The following COX19 variants were observed in gnomAD, a reference collection of about 807,000 sequenced individuals.
COX19 encodes the protein cytochrome c oxidase assembly protein COX19.
In COX19, 8 loss-of-function variants were observed where a neutral mutation model predicts 6.8. That is an observed-to-expected ratio of 1.18 (90% CI 0.69 to 2.12). The LOEUF (loss-of-function observed/expected upper bound fraction) is 2.12. Among genes scored for constraint, COX19 ranks in the 30% most tolerant of loss-of-function variants. The probability of loss-of-function intolerance (pLI) is 0.00; values close to 1 mark genes in which losing one functional copy is unlikely to be tolerated. For synonymous variants in COX19, 51 were observed against 38.0 expected (o/e 1.34, Z -1.26); for missense variants, 131 against 104.6 (o/e 1.25, Z -1.10).
At chr7:974,172 G>C (rs1445199293) in intron 1 of COX19, among the ~76,000 whole-genome samples, 1 of 149,430 alleles carries the variant, frequency 6.7e-6, no homozygotes, top group African/African-American at 2.5e-5. Context: ...ACTCCAGCCT[G>C]GGCGACACAG....
At chr7:972,264 C>T (rs1583203716) in intron 2 of COX19, among the ~76,000 whole-genome samples, 1 of 152,196 alleles carries the variant, frequency 6.6e-6, no homozygotes, top group African/African-American at 2.4e-5. Flanking sequence ...AGAGCCTAAG[C>T]GACAGCCCCA....
intron 2 of COX19, 111 bp from the exon 3 acceptor site, chr7:969,567 T>G: frequency 1.3e-6 from 1 of 748,724 alleles, no homozygotes; most frequent in South Asian, 1.5e-5. Context: ...CCTCCATCTA[T>G]GTCCTGGGAG....
intron 1 of COX19, 61 bp from the exon 2 acceptor site, chr7:973,353 C>T: frequency 6.6e-7 from 1 of 1,505,382 alleles, no homozygotes; most frequent in Non-Finnish European, 8.9e-7. Context: ...AACCACACAA[C>T]AGCCTTAAGA....
rs368098308 is a variant in COX19, at chr7:974,088, T to G, written c.83-796A>C. On this transcript the variant is annotated intron_variant, in intron 1 of 2. Transcript: ENST00000344111. ...GTTGCACACCTATAGTCCCAGCTAC[T>G]CTAGAGGCTGAGACAGGAGAATCGC... 1.7e-4 allele frequency among the ~76,000 whole-genome samples: 25 copies of G among 150,790 alleles called. 1 individual carries two copies. Among genetic ancestry groups the G allele is most frequent in the African/African-American group, 5.9e-4 (24 of 40,896 alleles).
chr7:975,491 A>AATTC lies in COX19; in HGVS notation c.15_18dup (p.Phe7GlufsTer24), dbSNP rs1416810421. ...CGCGGCTGGAAGCTCTTGGTCCCGA[A>AATTC]ATTCATGGCGGTCGACATGTTGGCG... is the stretch of plus-strand genomic sequence containing the variant. On this transcript the variant is annotated frameshift_variant, in exon 1 of 3. Transcript: ENST00000344111. LOFTEE classifies it high-confidence loss of function. 1 of 1,603,834 alleles carries AATTC rather than the reference A, an allele frequency of 6.2e-7. No homozygotes were observed. The highest frequency in any genetic ancestry group is 1.1e-5 in the South Asian group (1 of 89,696).
intron 2 of COX19, among the ~76,000 whole-genome samples, chr7:970,386 G>T (rs935757552): frequency 2.0e-5 from 3 of 151,000 alleles, no homozygotes; most frequent in Admixed American, 2.0e-4. Context: ...TACCCACCTT[G>T]GTCTCCAAAA....
Position 965,536 on chromosome 7 carries a change from C to T in COX19, c.*3842G>A, listed in dbSNP as rs1056809163. Among the ~76,000 whole-genome samples, 1 of 152,244 alleles carries T rather than the reference C, an allele frequency of 6.6e-6. No homozygotes were observed. The highest frequency in any genetic ancestry group is 1.5e-5 in the Non-Finnish European group (1 of 68,050). On this transcript the variant is annotated 3_prime_UTR_variant, in exon 3 of 3. Coordinates refer to ENST00000344111, the MANE Select transcript of COX19 (RefSeq NM_001031617.3). ...GCTGCTGGGTTAAGGGGGCCTCTGC[C>T]GTTCTGCTGTGACATGACTGTCTCC...
At chr7:969,537 G>T (rs924531272) in intron 2 of COX19, 81 bp from the exon 3 acceptor site, 2 of 892,298 alleles carry the variant, frequency 2.2e-6, no homozygotes, top group African/African-American at 1.7e-5. Context: ...GCTTCCCAGC[G>T]CACACCGGGG....
At position 975,477 on chromosome 7, in the gene COX19, G is replaced by C; in HGVS notation, c.33C>G (p.Ser11Arg). Residue 11 changes from serine to arginine, a missense_variant, in exon 1 of 3, where the codon AGC (serine) becomes AGG (arginine). By Grantham distance (110) the Ser-to-Arg change is moderately radical (BLOSUM62 -1). Coordinates refer to ENST00000344111, the MANE Select transcript of COX19 (RefSeq NM_001031617.3). MSTAMNFGTKSFQPRPPDKGS... is the reference protein window; with the variant it reads MSTAMNFGTKRFQPRPPDKGS... Reference sequence around the variant, plus strand: ...CCTTGTCCGGGGGCCGCGGCTGGAAGCTCTTGGTCCCGAAATTCATGGCGG... The same window carrying C: ...CCTTGTCCGGGGGCCGCGGCTGGAACCTCTTGGTCCCGAAATTCATGGCGG... 1.2e-6 allele frequency: 2 copies of C among 1,603,204 alleles called. No individual in the cohort carries two copies. Among genetic ancestry groups the C allele is most frequent in the Non-Finnish European group, 1.7e-6 (2 of 1,176,260 alleles).
chr7:968,155 T>C lies in COX19; in HGVS notation c.*1223A>G, dbSNP rs1477174920. ...CAGGGTTGGGCGGGCCCAGCCGCAA[T>C]AGGTACTCAGTTCTGTGAGGAGGGG... On this transcript the variant is annotated 3_prime_UTR_variant, in exon 3 of 3. Transcript: ENST00000344111. 6.6e-6 allele frequency: 1 copy of C among 152,352 alleles called. No homozygotes were observed. The highest frequency in any genetic ancestry group is 2.4e-5 in the African/African-American group (1 of 41,554). 9.4% of individuals were successfully genotyped at this position (152,352 alleles called of 1,614,324 possible). A position where few individuals can be genotyped will look rare whatever the true frequency, so the allele number is the denominator to read the frequency against.
At chr7:971,378 G>A (rs1469409120) in intron 2 of COX19, among the ~76,000 whole-genome samples, 3 of 152,150 alleles carry the variant, frequency 2.0e-5, no homozygotes, top group African/African-American at 7.2e-5. Context: ...TAATGTCTAG[G>A]ATTTTAGCAC....
chr7:969,598 C>T (rs1259855674), intron 2 of COX19, 142 bp from the exon 3 acceptor site: 11 of 680,720 alleles, frequency 1.6e-5, no homozygotes, highest in Non-Finnish European at 2.6e-6. Context: ...CGGCCTCGGC[C>T]CCCGTGGCTG....
In COX19 at chr7:965,837, C is replaced by A. The variant is rs1847544979; in HGVS notation, c.*3541G>T. ...TATTTTTAGTAGAGACAGGGTTTCT[C>A]CATGTTGGCCAGGCTGGCCTTGAAC... On this transcript the variant is annotated 3_prime_UTR_variant, in exon 3 of 3. Transcript: ENST00000344111. 6.6e-6 allele frequency among the ~76,000 whole-genome samples: 1 copy of A among 152,232 alleles called. No homozygotes were observed. Among genetic ancestry groups the A allele is most frequent in the African/African-American group, 2.4e-5 (1 of 41,460 alleles).
Position 964,976 on chromosome 7 carries a change from G to C in COX19, c.*4402C>G, listed in dbSNP as rs1847530723. Among the ~76,000 whole-genome samples the C allele has an allele frequency of 6.6e-6, 1 of 152,214 alleles. No individual in the cohort carries two copies. Among genetic ancestry groups the C allele is most frequent in the Non-Finnish European group, 1.5e-5 (1 of 68,038 alleles). On this transcript the variant is annotated 3_prime_UTR_variant, in exon 3 of 3. Coordinates refer to ENST00000344111, the MANE Select transcript of COX19 (RefSeq NM_001031617.3). ...AAATATCTCGTGAGAAGCTCTGGCA[G>C]GAACAGCAGGGTGTCTGGATTCTTA...
At chr7:974,290 T>C (rs921139781) in intron 1 of COX19, among the ~76,000 whole-genome samples, 7 of 149,224 alleles carry the variant, frequency 4.7e-5, no homozygotes, top group East Asian at 2.0e-4. Flanking sequence ...GGTGTGGCGC[T>C]GCACACCTAT....
rs949682008 is a variant in COX19 at position 966,450 on chromosome 7, A to T, written c.*2928T>A. The T allele has an allele frequency of 6.6e-6, 1 of 152,242 alleles. No individual in the cohort carries two copies. The highest frequency in any genetic ancestry group is 1.5e-5 in the Non-Finnish European group (1 of 68,070). The allele number at this position is 152,242 out of a possible 1,614,324, so 9.4% of individuals were successfully genotyped here. A position where few individuals can be genotyped will look rare whatever the true frequency, so the allele number is the denominator to read the frequency against. On this transcript the variant is annotated 3_prime_UTR_variant, in exon 3 of 3. Transcript: ENST00000344111. ...ATTGCAGGCGTGAGCCGCTGCGCCC[A>T]GCCTGTTTATTTTCACGCTCACACT...
chr7:972,144 T>C (rs1583203685), intron 2 of COX19, among the ~76,000 whole-genome samples: 1 of 152,170 alleles, frequency 6.6e-6, no homozygotes, highest in Admixed American at 6.5e-5. Context: ...TAAAGATGCA[T>C]TAATTTAAGA....
intron 1 of COX19, among the ~76,000 whole-genome samples, chr7:974,391 C>G (rs1185001358): frequency 2.0e-5 from 3 of 152,146 alleles, no homozygotes; most frequent in Admixed American, 6.5e-5. Context: ...GATTGCACCA[C>G]TGCACTCCAG....
At chr7:970,714 C>T (rs762167183) in intron 2 of COX19, among the ~76,000 whole-genome samples, 11 of 152,056 alleles carry the variant, frequency 7.2e-5, no homozygotes, top group African/African-American at 2.4e-5. Context: ...GAATTACGGG[C>T]GTGAGCCACT....
Sources: gnomAD v4.1 joint callset for allele counts (sites outside exome capture counted in the v4.1 genomes callset) on GRCh38, gnomAD v4.1.1 for gene constraint, MANE v1.5 for transcripts, NCBI Gene and HGNC (gene_info 2026-07-23, HGNC 2026-07-21) for gene names.